Variants in FETUB observed in about 807,000 individuals in gnomAD.
FETUB encodes fetuin-B.
FETUB carries 28 observed loss-of-function variants against 30.9 expected under a neutral mutation model. That is an observed-to-expected ratio of 0.90 (90% confidence interval 0.67 to 1.24). FETUB has a LOEUF of 1.24. FETUB is among the 50% of genes most tolerant of loss of function. The probability of loss-of-function intolerance (pLI) is 0.00; values close to 1 mark genes in which losing one functional copy is unlikely to be tolerated. For synonymous variants in FETUB, 186 were observed against 175.9 expected (o/e 1.06, Z -0.45); for missense variants, 469 against 455.3 (o/e 1.03, Z -0.27).
At chr3:186,641,258 C>T (rs1717035135) in intron 2 of FETUB, 118 bp downstream of exon 2, 1 of 664,504 alleles carries the variant, frequency 1.5e-6, no homozygotes, top group African/African-American at 1.8e-5. Flanking sequence ...ACTTTATAAT[C>T]TCCTGGCAGG....
intron 6 of FETUB, chr3:186,651,696 C>T (rs1025863025): frequency 5.4e-5 from 11 of 205,476 alleles, no homozygotes; most frequent in Non-Finnish European, 9.9e-5. Context: ...ATTTGAGAGG[C>T]AGTTTATATT....
In FETUB at chr3:186,640,686, G is replaced by T. The variant is rs770287860; in HGVS notation, c.225+1G>T. The T allele has an allele frequency of 4.3e-6, 7 of 1,611,928 alleles. 1 individual carries two copies. The South Asian group carries it at 6.6e-5, about 15-fold the overall frequency. On this transcript the variant is annotated splice_donor_variant, in intron 1 of 6. Coordinates refer to ENST00000265029, the MANE Select transcript of FETUB (RefSeq NM_014375.3). LOFTEE classifies it high-confidence loss of function. ...GAACGACGCCCAGGAATACAGACGGGCAAGTAGGGACAGTTCCCACTCTGG... is the reference window on the plus strand; with the variant it reads ...GAACGACGCCCAGGAATACAGACGGTCAAGTAGGGACAGTTCCCACTCTGG...
chr3:186,645,532 G>A (rs889715225), intron 4 of FETUB, among the ~76,000 whole-genome samples: 5 of 151,928 alleles, frequency 3.3e-5, no homozygotes, highest in Non-Finnish European at 7.4e-5. Flanking sequence ...TCACTATGTT[G>A]CACAGGCTGG....
intron 5 of FETUB, chr3:186,647,267 T>C (rs1483851949): frequency 6.6e-6 from 1 of 152,238 alleles, no homozygotes; most frequent in Non-Finnish European, 1.5e-5. Context: ...TTGATAAACA[T>C]TTGAGTTGTT....
chr3:186,651,373 T>TACCCCCTCCTTTGATTTTCCCAACCAC (rs1395850098), intron 6 of FETUB, 72 bp downstream of exon 6: 271 of 986,936 alleles, frequency 2.7e-4, no homozygotes, highest in Admixed American at 4.6e-4. Context: ...GCCACTACCT[T>TACCCCCTCCTTTGATTTTCCCAACCAC]ACCCCCTCCT....
At chr3:186,642,965 T>C (rs1717191659) in intron 3 of FETUB, among the ~76,000 whole-genome samples, 1 of 152,220 alleles carries the variant, frequency 6.6e-6, no homozygotes, top group African/African-American at 2.4e-5. Context: ...GTGTCTTGCT[T>C]GTGCCTCTCC....
At chr3:186,636,615 G>A (rs150227652), upstream of FETUB, among the ~76,000 whole-genome samples, 215 of 152,322 alleles carry the variant, frequency 1.4e-3, no homozygotes, top group African/African-American at 5.0e-3. Flanking sequence ...AAGAGGAAGA[G>A]GGAGATTCCA....
intron 6 of FETUB, 57 bp from the exon 7 acceptor site, chr3:186,652,206 T>A: frequency 6.6e-7 from 1 of 1,515,914 alleles, no homozygotes; most frequent in South Asian, 1.4e-5. Flanking sequence ...AGGCTGGTAC[T>A]AGGCATGGGA....
At chr3:186,646,403 T>C in intron 5 of FETUB, 54 bp downstream of exon 5, 2 of 1,316,014 alleles carry the variant, frequency 1.5e-6, no homozygotes, top group Middle Eastern at 3.7e-4. Context: ...CATCTCTAAG[T>C]GTTTGTGGAG....
chr3:186,644,760 A>C lies in FETUB; in HGVS notation c.434A>C (p.Lys145Thr), dbSNP rs757032153. ...TTATTGGCATCAACAGTTTCAAAAA[A>C]AAAGATTTACATGACGTGCCCTGAC... ...YNCTLRPVSK[K>T]KIYMTCPDCP... is the part of the protein sequence containing the mutation. Residue 145 changes from lysine to threonine, a missense_variant, in exon 4 of 7, where the codon AAA becomes ACA. Coordinates refer to ENST00000265029, the MANE Select transcript of FETUB (RefSeq NM_014375.3). The C allele has an allele frequency of 1.9e-6, 3 of 1,589,828 alleles. No homozygotes were observed. In the South Asian group the frequency reaches 3.5e-5, roughly 18 times the overall value.
At chr3:186,646,185 C>T (rs982743827) in intron 4 of FETUB, 63 bp from the exon 5 acceptor site, 3 of 1,202,016 alleles carry the variant, frequency 2.5e-6, no homozygotes, top group African/African-American at 1.5e-5. Flanking sequence ...CGCTGCCAAA[C>T]CTGAGTCTTT....
chr3:186,648,979 CAT>C (rs1483118226), intron 5 of FETUB, among the ~76,000 whole-genome samples: 2 of 152,222 alleles, frequency 1.3e-5, no homozygotes, highest in Non-Finnish European at 2.9e-5. Flanking sequence ...CTGGATGCCA[CAT>C]GTGTTCCCAG....
At chr3:186,640,395 C>T, upstream of FETUB, 6 of 1,285,266 alleles carry the variant, frequency 4.7e-6, no homozygotes, top group Non-Finnish European at 5.7e-6. Context: ...CCTTAAAGAG[C>T]CTTACAAGCC....
upstream of FETUB, among the ~76,000 whole-genome samples, chr3:186,639,814 A>G (rs1323178760): frequency 6.6e-6 from 1 of 152,238 alleles, no homozygotes; most frequent in East Asian, 1.9e-4. Context: ...TTGAAATACA[A>G]TGTGAGAACT....
At chr3:186,640,953 CA>C (rs1176912824) in intron 1 of FETUB, 76 bp from the exon 2 acceptor site, 15 of 911,480 alleles carry the variant, frequency 1.6e-5, no homozygotes, top group Non-Finnish European at 2.5e-5. Context: ...TGCCATAAAG[CA>C]GGGGTTTTTT....
chr3:186,645,992 TG>T (rs1277521238), intron 4 of FETUB, among the ~76,000 whole-genome samples: 2 of 152,234 alleles, frequency 1.3e-5, no homozygotes, highest in Non-Finnish European at 2.9e-5. Context: ...CCCAAAGTGC[TG>T]GGATTACAGG....
chr3:186,651,730 AT>A (rs1718055872), intron 6 of FETUB: 1 of 192,204 alleles, frequency 5.2e-6, no homozygotes, highest in African/African-American at 2.4e-5. Flanking sequence ...TGCCTGGTAT[AT>A]TTGAAGCAGT....
chr3:186,640,518 T>C lies in FETUB; in HGVS notation c.58T>C (p.Ser20Pro), dbSNP rs779795831. 1.2e-6 allele frequency: 2 copies of C among 1,614,184 alleles called. No individual in the cohort carries two copies. The highest frequency in any genetic ancestry group is 1.1e-5 in the South Asian group (1 of 91,084). The change falls in exon 1 of 7, where the codon TCT becomes CCT. Residue 20 changes from serine (S) to proline (P), a missense_variant. Coordinates refer to ENST00000265029, the MANE Select transcript of FETUB (RefSeq NM_014375.3). The stretch of plus-strand genomic sequence containing the variant: ...CCTAGTCCTGTGCTGCGGAGCAATG[T>C]CTCCACCCCAGCTGGCCCTCAACCC... ...CILVLCCGAM[S>P]PPQLALNPSA...
chr3:186,648,674 C>T (rs866342072), intron 5 of FETUB, among the ~76,000 whole-genome samples: 1 of 152,172 alleles, frequency 6.6e-6, no homozygotes, highest in Non-Finnish European at 1.5e-5. Context: ...TAATTTCTTT[C>T]AACAAAGTTT....
Sources: gnomAD v4.1 joint callset for allele counts (sites outside exome capture counted in the v4.1 genomes callset) on GRCh38, gnomAD v4.1.1 for gene constraint, MANE v1.5 for transcripts, NCBI Gene and HGNC (gene_info 2026-07-23, HGNC 2026-07-21) for gene names.